Variants in XIAP observed in about 807,000 individuals in gnomAD.
XIAP encodes the protein E3 ubiquitin-protein ligase XIAP.
XIAP carries 3 observed loss-of-function variants against 33.1 expected under a neutral mutation model. The observed-to-expected ratio is 0.09, with a 90% CI of 0.04 to 0.23. XIAP has a LOEUF of 0.23. XIAP is among the 10% of genes least tolerant of loss of function. The pLI is 1.00. For missense variants in XIAP, 264 were observed against 363.0 expected, an observed-to-expected ratio of 0.73 and a Z score of 2.22; for synonymous variants, 98 against 121.3, an observed-to-expected ratio of 0.81 and a Z score of 1.26.
Position 123,896,124 on chromosome X carries a change from A to G in XIAP, c.1099+3351A>G, listed in dbSNP as rs775412856. Among the ~76,000 whole-genome samples, 73 of 109,180 alleles carry G rather than the reference A, an allele frequency of 6.7e-4. 1 individual carries two copies. The highest frequency in any genetic ancestry group is 1.1e-3 in the Non-Finnish European group (58 of 52,599). The allele number at this position is 109,180 out of a possible 115,157, so 94.8% of individuals were successfully genotyped here. The stretch of plus-strand genomic sequence containing the variant: ...GCTCAGTCACCTGGGCTGGAGTGCA[A>G]TAGTACAGTCATGCTCACTGTGGCC... On this transcript the variant is annotated intron_variant, in intron 5 of 6. Coordinates refer to ENST00000371199, the MANE Select transcript of XIAP (RefSeq NM_001167.4).
chrX:123,888,660 C>A lies in XIAP; in HGVS notation c.919C>A (p.Leu307Ile), dbSNP rs1280883217. 3.3e-6 allele frequency: 4 copies of A among 1,211,696 alleles called. No homozygotes were observed. The highest frequency in any genetic ancestry group is 4.5e-6 in the Non-Finnish European group (4 of 895,450). The change falls in exon 3 of 7, where the codon CTA becomes ATA. Residue 307 changes from leucine to isoleucine, a missense_variant. Transcript: ENST00000371199. ...AAAGTGCTTTCACTGTGGAGGAGGG[C>A]TAACTGATTGGAAGCCCAGTGAAGA... ...KVKCFHCGGG[L>I]TDWKPSEDPW...
rs187272604 is a variant in XIAP at position 123,869,550 on chromosome X, A to C, written c.-33+9257A>C. The stretch of plus-strand genomic sequence containing the variant: ...AAAATAAAGAAAAGAAAAAAAAAAC[A>C]CAGACATCTCAGCATATATTACCAT... On this transcript the variant is annotated intron_variant, in intron 1 of 6. Transcript: ENST00000371199. 2.8e-3 allele frequency among the ~76,000 whole-genome samples: 298 copies of C among 108,079 alleles called. 1 individual carries two copies. The highest frequency in any genetic ancestry group is 4.7e-3 in the Admixed American group (46 of 9,875). 93.9% of individuals were successfully genotyped at this position (108,079 alleles called of 115,157 possible). A position where few individuals can be genotyped will look rare whatever the true frequency, so the allele number is the denominator to read the frequency against.
chrX:123,909,859 C>T lies in XIAP; in HGVS notation c.*2678C>T, dbSNP rs1487090657. ...AATCAAATTTTTGGAGACTTAACAG[C>T]ATTTGTCTGTGTTTGAACTATAAAA... On this transcript the variant is annotated 3_prime_UTR_variant, in exon 7 of 7. Transcript: ENST00000371199. 1 of 329,729 alleles carries T rather than the reference C, an allele frequency of 3.0e-6. No homozygotes were observed. The highest frequency in any genetic ancestry group is 5.9e-6 in the Non-Finnish European group (1 of 170,000). The allele number at this position is 329,729 out of a possible 1,213,427, so 27.2% of individuals were successfully genotyped here.
At chrX:123,891,159 T>C (rs2053403913) in intron 3 of XIAP, 79 bp from the exon 4 acceptor site, 1 of 493,595 alleles carries the variant, frequency 2.0e-6, no homozygotes, top group Non-Finnish European at 3.5e-6. Context: ...ATTAATAGAA[T>C]TAATATGATG....
At chrX:123,879,315 G>GATTTTTTTTTTTTT (rs56261418) in intron 1 of XIAP, 1 of 86,545 alleles carries the variant, frequency 1.2e-5, no homozygotes. Flanking sequence ...CACAGAAAGA[G>GATTTTTTTTTTTTT]TTTTTTTTTT....
intron 1 of XIAP, among the ~76,000 whole-genome samples, chrX:123,867,671 C>CTT (rs747177182): frequency 0.27 from 18,286 of 66,776 alleles, 3,297 homozygotes; most frequent in African/African-American, 0.37. Context: ...CGTACCTGGC[C>CTT]TTTTTTTTTT....
chrX:123,868,505 A>G (rs1436975759), intron 1 of XIAP, among the ~76,000 whole-genome samples: 1 of 111,450 alleles, frequency 9.0e-6, no homozygotes, highest in East Asian at 2.8e-4. Flanking sequence ...CAAGTCAGGG[A>G]GATCCCTTGA....
rs150317928 is a variant in XIAP at position 123,886,117 on chromosome X, C to G, written c.455C>G (p.Thr152Ser). ...GGGCAGGTTGTAGATATATCAGACA[C>G]CATATACCCGAGGAACCCTGCCATG... Reference protein sequence around the residue: ...RTGQVVDISDTIYPRNPAMYS... With the variant: ...RTGQVVDISDSIYPRNPAMYS... The change falls in exon 2 of 7, where the codon ACC becomes AGC. Residue 152 changes from threonine to serine, a missense_variant. Physicochemically the swap from Thr to Ser is moderately conservative, Grantham distance 58 (BLOSUM62 1). Transcript: ENST00000371199. 3.5e-5 allele frequency: 42 copies of G among 1,209,888 alleles called. No homozygotes were observed. The African/African-American group carries it at 7.0e-4, about 20-fold the overall frequency.
chrX:123,879,436 C>T (rs1276255550), intron 1 of XIAP: 1 of 106,628 alleles, frequency 9.4e-6, no homozygotes, highest in Admixed American at 1.0e-4. Flanking sequence ...CCTGCCTCAG[C>T]CTCCCGAGTA....
intron 1 of XIAP, 51 bp downstream of exon 1, chrX:123,860,344 C>T (rs2053067210): frequency 3.1e-6 from 1 of 324,746 alleles, no homozygotes; most frequent in African/African-American, 2.7e-5. Context: ...CCTCCTTCCC[C>T]TCTCCTCCCT....
At chrX:123,877,232 C>T (rs2053254324) in intron 1 of XIAP, among the ~76,000 whole-genome samples, 1 of 110,566 alleles carries the variant, frequency 9.0e-6, no homozygotes, top group Non-Finnish European at 1.9e-5. Context: ...CGCCTGACTA[C>T]TTTTTGTATT....
chrX:123,903,211 G>A (rs1363621535), intron 6 of XIAP, among the ~76,000 whole-genome samples: 2 of 85,888 alleles, frequency 2.3e-5, no homozygotes, highest in Non-Finnish European at 4.4e-5. Flanking sequence ...TTTTGGAGAC[G>A]GAGTTTCACT....
At chrX:123,861,064 T>C (rs1373260141) in intron 1 of XIAP, among the ~76,000 whole-genome samples, 2 of 111,837 alleles carry the variant, frequency 1.8e-5, no homozygotes, top group African/African-American at 3.3e-5. Context: ...TTCTTTTTTT[T>C]CCCCATAATA....
chrX:123,897,680 A>T (rs150432926), intron 5 of XIAP, among the ~76,000 whole-genome samples: 2,716 of 110,642 alleles, frequency 0.025, 26 homozygotes, highest in Middle Eastern at 0.061. Context: ...CTCCTGCATC[A>T]GCCTCCCCAG....
chrX:123,909,803 G>C lies in XIAP; in HGVS notation c.*2622G>C. The C allele has an allele frequency of 3.0e-6, 1 of 329,524 alleles. No individual in the cohort carries two copies. Among genetic ancestry groups the C allele is most frequent in the South Asian group, 2.6e-5 (1 of 38,461 alleles). The allele number at this position is 329,524 out of a possible 1,213,427, so 27.2% of individuals were successfully genotyped here. On this transcript the variant is annotated 3_prime_UTR_variant, in exon 7 of 7. Coordinates refer to ENST00000371199, the MANE Select transcript of XIAP (RefSeq NM_001167.4). ...TTGTTTAGAAATGCTGTTGCTTCAG[G>C]TTCTTAAAATCACTCAGCACTCCAA...
chrX:123,872,324 T>C (rs758056376), intron 1 of XIAP, among the ~76,000 whole-genome samples: 29 of 109,228 alleles, frequency 2.7e-4, no homozygotes, highest in African/African-American at 7.8e-4. Flanking sequence ...GTCCTTTTTT[T>C]TTTTTCGTCC....
intron 5 of XIAP, among the ~76,000 whole-genome samples, chrX:123,900,089 C>G (rs1240904788): frequency 8.9e-6 from 1 of 112,100 alleles, no homozygotes; most frequent in African/African-American, 3.2e-5. Context: ...TGGGACTTCC[C>G]TGATTTCCCA....
chrX:123,889,820 C>T (rs1286799165), intron 3 of XIAP, among the ~76,000 whole-genome samples: 3 of 109,546 alleles, frequency 2.7e-5, no homozygotes, highest in Non-Finnish European at 5.7e-5. Context: ...TGCTTGGCCT[C>T]TAGATTATCC....
rs1227951981 is a variant in XIAP, at chrX:123,907,958, A to AG, written c.*784dup. The AG allele has an allele frequency of 1.3e-4, 12 of 94,294 alleles. No homozygotes were observed. The African/African-American group carries it at 2.7e-3, about 21-fold the overall frequency. The allele number at this position is 94,294 out of a possible 1,213,427, so 7.8% of individuals were successfully genotyped here. ...TGTTAAATGTGGTTTCTCTTCGGGG[A>AG]GGGGGGGATTGGGGGAGGGGCCCCA... On this transcript the variant is annotated 3_prime_UTR_variant, in exon 7 of 7. Transcript: ENST00000371199.
Sources: allele counts gnomAD v4.1 joint callset (sites outside exome capture counted in the v4.1 genomes callset), GRCh38; gene constraint gnomAD v4.1.1; transcripts MANE v1.5; gene names NCBI Gene and HGNC (gene_info 2026-07-23, HGNC 2026-07-21).